The following STAC variants were observed in gnomAD, a reference collection of about 807,000 sequenced individuals.
STAC encodes SH3 and cysteine-rich domain-containing protein.
Under a neutral mutation model 48.8 loss-of-function variants are expected in STAC, and 43 were observed. The observed-to-expected ratio is 0.88, with a 90% CI of 0.69 to 1.14. STAC has a LOEUF of 1.14. STAC is among the 50% of genes most tolerant of loss of function. The probability of loss-of-function intolerance (pLI) is 0.00; values close to 1 mark genes in which losing one functional copy is unlikely to be tolerated. For missense variants in STAC, 497 were observed against 504.0 expected, an observed-to-expected ratio of 0.99 and a Z score of 0.13; for synonymous variants, 193 against 179.5, an observed-to-expected ratio of 1.07 and a Z score of -0.60.
intron 2 of STAC, among the ~76,000 whole-genome samples, chr3:36,451,255 T>TCC: frequency 6.6e-6 from 1 of 152,236 alleles, no homozygotes; most frequent in South Asian, 2.1e-4. Context: ...TCAAAAAACA[T>TCC]TCTTTATTCT....
At chr3:36,501,180 T>C (rs1395290510) in intron 6 of STAC, among the ~76,000 whole-genome samples, 1 of 152,016 alleles carries the variant, frequency 6.6e-6, no homozygotes, top group East Asian at 1.9e-4. Context: ...TGAAAACATA[T>C]CAAAACAACA....
At chr3:36,476,423 G>T (rs897918058) in intron 2 of STAC, among the ~76,000 whole-genome samples, 7 of 152,138 alleles carry the variant, frequency 4.6e-5, no homozygotes, top group African/African-American at 1.7e-4. Flanking sequence ...AACAAGAAAG[G>T]CAGGGAAGGC....
intron 2 of STAC, among the ~76,000 whole-genome samples, chr3:36,472,339 AG>A (rs1461864659): frequency 6.6e-6 from 1 of 152,168 alleles, no homozygotes; most frequent in Non-Finnish European, 1.5e-5. Flanking sequence ...CTGTGATGGG[AG>A]GGGCTGCCAT....
chr3:36,526,496 G>A (rs1300679779), intron 8 of STAC, among the ~76,000 whole-genome samples: 1 of 152,122 alleles, frequency 6.6e-6, no homozygotes, highest in African/African-American at 2.4e-5. Context: ...ACCTTCCAAG[G>A]AATGAGAAAT....
intron 1 of STAC, among the ~76,000 whole-genome samples, chr3:36,433,265 G>GGGGC (rs1460972940): frequency 6.6e-6 from 1 of 152,104 alleles, no homozygotes; most frequent in Non-Finnish European, 1.5e-5. Flanking sequence ...TTGGAAAACT[G>GGGGC]GGGCCTGCTC....
chr3:36,513,042 A>C (rs1698580813), intron 8 of STAC, among the ~76,000 whole-genome samples: 1 of 152,202 alleles, frequency 6.6e-6, no homozygotes, highest in South Asian at 2.1e-4. Flanking sequence ...AAAGAGAACA[A>C]GGGAGTGAGG....
intron 6 of STAC, among the ~76,000 whole-genome samples, chr3:36,499,684 A>C (rs1698235776): frequency 6.6e-6 from 1 of 152,102 alleles, no homozygotes; most frequent in African/African-American, 2.4e-5. Context: ...AGATTTTCAG[A>C]CTAGATTTTT....
chr3:36,380,571 C>T lies in STAC; in HGVS notation c.-73C>T, dbSNP rs1052408113. On this transcript the variant is annotated 5_prime_UTR_variant, in exon 1 of 11. Coordinates refer to ENST00000273183, the MANE Select transcript of STAC (RefSeq NM_003149.3). Reference sequence around the variant, plus strand: ...ACCCGGAGCTGAGCAGCCTGGCGCGCGGCGGGCAGGGCGCGCAGGACAGAA... The same window carrying T: ...ACCCGGAGCTGAGCAGCCTGGCGCGTGGCGGGCAGGGCGCGCAGGACAGAA... 2 of 1,261,064 alleles carry T rather than the reference C, an allele frequency of 1.6e-6. No individual in the cohort carries two copies. The highest frequency in any genetic ancestry group is 3.0e-5 in the African/African-American group (2 of 66,156). The allele number at this position is 1,261,064 out of a possible 1,614,324, so 78.1% of individuals were successfully genotyped here.
chr3:36,512,625 G>A (rs773451753), intron 8 of STAC, among the ~76,000 whole-genome samples: 10 of 152,104 alleles, frequency 6.6e-5, no homozygotes, highest in African/African-American at 1.9e-4. Context: ...ATCACTCTGC[G>A]TGCTTATTTT....
At chr3:36,437,931 G>GTTGTTATTATTA (rs1553634757) in intron 1 of STAC, among the ~76,000 whole-genome samples, 3 of 140,576 alleles carry the variant, frequency 2.1e-5, no homozygotes, top group Non-Finnish European at 3.1e-5. Context: ...TATTCATTGA[G>GTTGTTATTATTA]TTATTATTAT....
intron 2 of STAC, among the ~76,000 whole-genome samples, chr3:36,475,079 CTCAAT>C (rs1559505691): frequency 6.7e-6 from 1 of 148,422 alleles, no homozygotes; most frequent in African/African-American, 2.5e-5. Context: ...TGATTTTTTC[CTCAAT>C]TCATTTTTTT....
rs33938614 is a variant in STAC at position 36,397,912 on chromosome 3, CA to C, written c.111+17171del. ...GATGACTTTTGCATGCAGCAGGCAG[CA>C]AAAAAAAAAAAACCTAAGCTCAATT... On this transcript the variant is annotated intron_variant, in intron 1 of 10. Coordinates refer to ENST00000273183, the MANE Select transcript of STAC (RefSeq NM_003149.3). Among the ~76,000 whole-genome samples, 273 of 130,410 alleles carry C rather than the reference CA, an allele frequency of 2.1e-3. 2 individuals carry two copies. The East Asian group carries it at 0.029, about 14-fold the overall frequency. The allele number at this position is 130,410 out of a possible 152,430, so 85.6% of individuals were successfully genotyped here.
At chr3:36,489,320 T>G (rs1224261030) in intron 5 of STAC, among the ~76,000 whole-genome samples, 1 of 152,190 alleles carries the variant, frequency 6.6e-6, no homozygotes, top group South Asian at 2.1e-4. Flanking sequence ...ACAAGGGACT[T>G]TTGAAGACTG....
At position 36,504,228 on chromosome 3, in the gene STAC, C is replaced by G. The variant is rs190793498; in HGVS notation, c.767-165C>G. Among the ~76,000 whole-genome samples, 17 of 152,286 alleles carry G rather than the reference C, an allele frequency of 1.1e-4. No homozygotes were observed. The East Asian group carries it at 2.3e-3, about 21-fold the overall frequency. ...CTGCATGGGGAGGCAGGAGAAGAGA[C>G]ATGTGGAAGACCACCTGAACGCTGG... On this transcript the variant is annotated intron_variant, in intron 6 of 10. Coordinates refer to ENST00000273183, the MANE Select transcript of STAC (RefSeq NM_003149.3).
chr3:36,493,021 C>G (rs1210422432), intron 5 of STAC, 130 bp from the exon 6 acceptor site: 3 of 784,488 alleles, frequency 3.8e-6, no homozygotes, highest in Non-Finnish European at 6.1e-6. Context: ...AGCCAAACAG[C>G]CAAGACAGCA....
At chr3:36,452,389 G>A (rs1696708784) in intron 2 of STAC, among the ~76,000 whole-genome samples, 1 of 152,178 alleles carries the variant, frequency 6.6e-6, no homozygotes, top group Non-Finnish European at 1.5e-5. Context: ...GGGTAAAGGA[G>A]ACAGGTTGTG....
chr3:36,411,845 G>T (rs1480588442), intron 1 of STAC, among the ~76,000 whole-genome samples: 2 of 152,128 alleles, frequency 1.3e-5, no homozygotes, highest in African/African-American at 2.4e-5. Context: ...GCATGTAACT[G>T]GGGGCAGTCA....
At chr3:36,486,333 C>T in intron 5 of STAC, 84 bp downstream of exon 5, 2 of 1,197,046 alleles carry the variant, frequency 1.7e-6, no homozygotes, top group South Asian at 2.9e-5. Context: ...GGGTATTCCA[C>T]CTGACTGCCT....
At chr3:36,544,315 A>G (rs188219003) in intron 10 of STAC, among the ~76,000 whole-genome samples, 1 of 152,084 alleles carries the variant, frequency 6.6e-6, no homozygotes, top group Admixed American at 6.5e-5. Flanking sequence ...GATTACAGGC[A>G]TGCACCATCA....
Sources: gnomAD v4.1 joint callset for allele counts (sites outside exome capture counted in the v4.1 genomes callset) on GRCh38, gnomAD v4.1.1 for gene constraint, MANE v1.5 for transcripts, NCBI Gene and HGNC (gene_info 2026-07-23, HGNC 2026-07-21) for gene names.